FBXO15: variants seen among roughly 807,000 people sequenced by gnomAD.
The protein encoded by FBXO15 is F-box only protein 15.
A neutral mutation model predicts 49.5 loss-of-function variants in FBXO15; 30 were observed. The ratio of observed to expected loss-of-function variants is 0.61; its 90% CI spans 0.45 to 0.82. The LOEUF (loss-of-function observed/expected upper bound fraction) is 0.82, where lower values mean the gene tolerates loss of function less well. Among genes scored for constraint, FBXO15 ranks in the 40% least tolerant of loss-of-function variants. FBXO15 has a pLI of 0.00. For synonymous variants in FBXO15, 250 were observed against 232.7 expected, an observed-to-expected ratio of 1.07 and a Z score of -0.68; for missense variants, 591 against 631.5, an observed-to-expected ratio of 0.94 and a Z score of 0.69.
Position 74,073,452 on chromosome 18 carries a change from C to T in FBXO15, c.*9G>A. ...CAACTAAATAACAACAATAATTTGC[C>T]ACCTACTGCTAATATTCAGTCCCAA... is the stretch of plus-strand genomic sequence containing the variant. On this transcript the variant is annotated 3_prime_UTR_variant, in exon 10 of 10. Transcript: ENST00000419743. 6.2e-7 allele frequency: 1 copy of T among 1,602,064 alleles called. No homozygotes were observed. Among genetic ancestry groups the T allele is most frequent in the Non-Finnish European group, 8.5e-7 (1 of 1,173,894 alleles).
chr18:74,135,055 AAGG>A (rs760195219), intron 3 of FBXO15, among the ~76,000 whole-genome samples: 87 of 152,264 alleles, frequency 5.7e-4, no homozygotes, highest in Admixed American at 1.3e-3. Flanking sequence ...TCCTCACTGA[AAGG>A]AGGATTCCAC....
At chr18:74,116,707 G>A (rs1280627871) in intron 8 of FBXO15, among the ~76,000 whole-genome samples, 1 of 151,964 alleles carries the variant, frequency 6.6e-6, no homozygotes, top group Non-Finnish European at 1.5e-5. Flanking sequence ...CCCCACTCAT[G>A]CTTGTGCCTG....
intron 8 of FBXO15, among the ~76,000 whole-genome samples, chr18:74,088,973 TC>T (rs1912883264): frequency 6.6e-6 from 1 of 152,176 alleles, no homozygotes. Flanking sequence ...GGTATTTTAT[TC>T]TTTTTCTCTT....
intron 8 of FBXO15, 126 bp downstream of exon 8, chr18:74,123,242 G>A: frequency 9.8e-7 from 1 of 1,018,190 alleles, no homozygotes; most frequent in Non-Finnish European, 1.5e-6. Context: ...CACGGGTCTG[G>A]GAGGATACTG....
Position 74,124,568 on chromosome 18 carries a change from C to T in FBXO15, c.916G>A (p.Glu306Lys). The part of the protein sequence containing the change: ...PGLLVGVWKK[E>K]EELAFVMANL... ...GCCATAACAAAAGCCAGTTCTTCCT[C>T]CTTCTGAAAAGTTAATTGAGAAGAA... The change falls in exon 7 of 10, where the codon GAG becomes AAG. Residue 306 changes from glutamate to lysine, a missense_variant. By Grantham distance (56) the Glu-to-Lys change is moderately conservative. Coordinates refer to ENST00000419743, the MANE Select transcript of FBXO15 (RefSeq NM_001142958.2). 1 of 1,613,852 alleles carries T rather than the reference C, an allele frequency of 6.2e-7. No homozygotes were observed. Among genetic ancestry groups the T allele is most frequent in the Non-Finnish European group, 8.5e-7 (1 of 1,179,888 alleles).
At chr18:74,079,061 G>A (rs1302113925) in intron 9 of FBXO15, among the ~76,000 whole-genome samples, 1 of 152,154 alleles carries the variant, frequency 6.6e-6, no homozygotes, top group African/African-American at 2.4e-5. Flanking sequence ...CAGAACCACA[G>A]AACTACACTG....
chr18:74,074,702 G>C lies in FBXO15; in HGVS notation c.1264-972C>G, dbSNP rs1912183823. On this transcript the variant is annotated intron_variant, in intron 9 of 9. Transcript: ENST00000419743. This position sits in a 1 kb window ranked among gnomAD's most constrained non-coding sequence, Gnocchi z 4.7. ...ACACAACTGTTTGTCAAAATAAAAT[G>C]AAAAAGAACATAGTCGGCATGCATT... 6.6e-6 allele frequency among the ~76,000 whole-genome samples: 1 copy of C among 152,198 alleles called. No individual in the cohort carries two copies. Among genetic ancestry groups the C allele is most frequent in the Non-Finnish European group, 1.5e-5 (1 of 68,030 alleles).
At position 74,135,772 on chromosome 18, in the gene FBXO15, C is replaced by T; in HGVS notation, c.322G>A (p.Ala108Thr). 2 of 1,603,976 alleles carry T rather than the reference C, an allele frequency of 1.2e-6. No homozygotes were observed. Among genetic ancestry groups the T allele is most frequent in the Non-Finnish European group, 1.7e-6 (2 of 1,177,316 alleles). The change falls in exon 3 of 10, where the codon GCC becomes ACC. Residue 108 changes from alanine (A) to threonine (T), a missense_variant. Coordinates refer to ENST00000419743, the MANE Select transcript of FBXO15 (RefSeq NM_001142958.2). Reference protein sequence around the residue: ...GCVSRRFYHLANDNFIWIGIY... With the variant: ...GCVSRRFYHLTNDNFIWIGIY... The stretch of plus-strand genomic sequence containing the variant: ...TGGATTTCTGCTTACTTGTCATTGG[C>T]TAGATGATAAAAGCGCCTGCTCACA...
intron 1 of FBXO15, chr18:74,147,465 T>C (rs1979508323): frequency 9.1e-6 from 11 of 1,207,994 alleles, no homozygotes; most frequent in Non-Finnish European, 1.1e-5. Context: ...CCCGAGAGGC[T>C]ACTCTATTTG....
chr18:74,139,984 T>C (rs1978963382), intron 2 of FBXO15, among the ~76,000 whole-genome samples: 1 of 152,242 alleles, frequency 6.6e-6, no homozygotes, highest in African/African-American at 2.4e-5. Context: ...TTCAATTTAC[T>C]TGTCACTTCT....
At chr18:74,096,999 A>T (rs527846289) in intron 8 of FBXO15, 2 of 152,354 alleles carry the variant, frequency 1.3e-5, no homozygotes, top group South Asian at 2.1e-4. Context: ...GAAGGTCTAG[A>T]TCACGGGTCC....
chr18:74,120,486 A>G (rs1264056963), intron 8 of FBXO15, among the ~76,000 whole-genome samples: 1 of 152,230 alleles, frequency 6.6e-6, no homozygotes, highest in Non-Finnish European at 1.5e-5. Context: ...CCTGACCACA[A>G]TTGAGTTAAA....
At chr18:74,090,513 T>A (rs1220405933) in intron 8 of FBXO15, among the ~76,000 whole-genome samples, 1 of 152,184 alleles carries the variant, frequency 6.6e-6, no homozygotes, top group Non-Finnish European at 1.5e-5. Context: ...TAATCTGAGA[T>A]CTTTCTAACT....
intron 8 of FBXO15, among the ~76,000 whole-genome samples, chr18:74,096,766 A>G (rs1913296067): frequency 6.6e-6 from 1 of 152,208 alleles, no homozygotes; most frequent in Admixed American, 6.5e-5. Flanking sequence ...AAACTCAGTG[A>G]TCTCCAAGAT....
intron 8 of FBXO15, among the ~76,000 whole-genome samples, chr18:74,109,500 A>T (rs1209098780): frequency 2.6e-5 from 4 of 152,232 alleles, no homozygotes; most frequent in African/African-American, 4.8e-5. Flanking sequence ...AAGGATTATA[A>T]ATCATGCTAC....
chr18:74,130,262 C>T (rs1978322726), intron 4 of FBXO15, among the ~76,000 whole-genome samples, 154 bp downstream of exon 4: 1 of 152,150 alleles, frequency 6.6e-6, no homozygotes. Context: ...ATGCAGAAGG[C>T]TATGCGGAAT....
At chr18:74,133,287 A>C (rs1978510631) in intron 3 of FBXO15, among the ~76,000 whole-genome samples, 1 of 152,238 alleles carries the variant, frequency 6.6e-6, no homozygotes, top group Admixed American at 6.5e-5. Flanking sequence ...CAAGAAAGTG[A>C]GGAGGGCACA....
chr18:74,139,313 A>T (rs1425341689), intron 2 of FBXO15, among the ~76,000 whole-genome samples: 1 of 152,196 alleles, frequency 6.6e-6, no homozygotes, highest in African/African-American at 2.4e-5. Flanking sequence ...AGCACCAAGA[A>T]CAGTATCTGC....
At chr18:74,107,085 T>C (rs890913635) in intron 8 of FBXO15, among the ~76,000 whole-genome samples, 10 of 148,846 alleles carry the variant, frequency 6.7e-5, no homozygotes, top group African/African-American at 1.2e-4. Flanking sequence ...AAATTCTACA[T>C]ATTCTGAATT....
Sources: allele counts gnomAD v4.1 joint callset (sites outside exome capture counted in the v4.1 genomes callset), GRCh38; gene constraint gnomAD v4.1.1; non-coding constraint Gnocchi (gnomAD v3.1); transcripts MANE v1.5; gene names NCBI Gene and HGNC (gene_info 2026-07-23, HGNC 2026-07-21).